The following THSD7B variants were observed in gnomAD, a reference collection of about 807,000 sequenced individuals.
The protein encoded by THSD7B is thrombospondin type-1 domain-containing protein 7B.
A neutral mutation model predicts 213.6 loss-of-function variants in THSD7B; 138 were observed. The ratio of observed to expected loss-of-function variants is 0.65; its 90% CI spans 0.56 to 0.74. The LOEUF (loss-of-function observed/expected upper bound fraction) is 0.74, where lower values mean the gene tolerates loss of function less well. Among genes scored for constraint, THSD7B ranks in the 30% least tolerant of loss-of-function variants. The pLI is 0.00. For synonymous variants in THSD7B, 742 were observed against 687.0 expected (o/e 1.08, Z -1.25); for missense variants, 1,931 against 1,991.5 (o/e 0.97, Z 0.58).
chr2:137,042,324 G>A (rs1686898603), intron 2 of THSD7B, among the ~76,000 whole-genome samples: 1 of 152,080 alleles, frequency 6.6e-6, no homozygotes, highest in African/African-American at 2.4e-5. Context: ...AATCATTGAG[G>A]TTAAGAAAAA....
At chr2:137,548,240 T>G (rs1338038350) in intron 15 of THSD7B, among the ~76,000 whole-genome samples, 4 of 152,028 alleles carry the variant, frequency 2.6e-5, no homozygotes, top group South Asian at 4.1e-4. Flanking sequence ...ACAGGAAACT[T>G]GAATGTGTTC....
At chr2:137,214,675 G>A (rs6716945) in intron 7 of THSD7B, among the ~76,000 whole-genome samples, 90,360 of 151,206 alleles carry the variant, frequency 0.6, 27,378 homozygotes, top group South Asian at 0.71. Context: ...GAGTGAGAAC[G>A]TGTGGTGTTT....
At chr2:137,439,346 G>T (rs1295222330) in intron 14 of THSD7B, among the ~76,000 whole-genome samples, 1 of 151,974 alleles carries the variant, frequency 6.6e-6, no homozygotes, top group African/African-American at 2.4e-5. Context: ...ATTACCCACA[G>T]TCTCTTGAGA....
At chr2:137,371,787 T>C (rs1428861142) in intron 12 of THSD7B, among the ~76,000 whole-genome samples, 1 of 152,182 alleles carries the variant, frequency 6.6e-6, no homozygotes, top group Admixed American at 6.5e-5. Flanking sequence ...TTTGCTTTGA[T>C]TTCTGAAAGA....
intron 10 of THSD7B, among the ~76,000 whole-genome samples, chr2:137,264,391 T>G (rs1405966808): frequency 6.6e-6 from 1 of 152,070 alleles, no homozygotes; most frequent in Non-Finnish European, 1.5e-5. Context: ...TAGCTGGGAC[T>G]ACAGGCACCC....
At chr2:136,989,767 C>A (rs766687) in intron 2 of THSD7B, among the ~76,000 whole-genome samples, 12,455 of 152,148 alleles carry the variant, frequency 0.082, 643 homozygotes, top group East Asian at 0.21. Context: ...GTGCAGTGGG[C>A]AGCCAGCTGG....
chr2:137,496,166 A>C (rs1439102259), intron 15 of THSD7B, among the ~76,000 whole-genome samples: 1 of 152,266 alleles, frequency 6.6e-6, no homozygotes, highest in South Asian at 2.1e-4. Context: ...AGAAAGTTAC[A>C]TTTTTAAAGC....
At chr2:137,641,530 T>C (rs1682936971) in intron 20 of THSD7B, among the ~76,000 whole-genome samples, 1 of 152,168 alleles carries the variant, frequency 6.6e-6, no homozygotes, top group Admixed American at 6.5e-5. Context: ...AAATAACTAA[T>C]AGTAATTAAA....
At chr2:136,860,993 T>C (rs1683249971) in intron 1 of THSD7B, among the ~76,000 whole-genome samples, 2 of 152,274 alleles carry the variant, frequency 1.3e-5, no homozygotes, top group African/African-American at 4.8e-5. Flanking sequence ...CGCAGATAGC[T>C]GCGTAGCTCA....
At chr2:137,499,792 GA>G (rs1679658167) in intron 15 of THSD7B, among the ~76,000 whole-genome samples, 1 of 152,142 alleles carries the variant, frequency 6.6e-6, no homozygotes, top group African/African-American at 2.4e-5. Context: ...GGCTGTAGCT[GA>G]AAGCCAAATG....
rs955300652 is a variant in THSD7B at position 136,980,427 on chromosome 2, C to T, written c.140-75993C>T. Among the ~76,000 whole-genome samples the T allele has an allele frequency of 2.2e-4, 33 of 152,248 alleles. 1 individual carries two copies. The highest frequency in any genetic ancestry group is 5.9e-5 in the Non-Finnish European group (4 of 68,010). On this transcript the variant is annotated intron_variant, in intron 2 of 27. Coordinates refer to ENST00000409968, the MANE Select transcript of THSD7B (RefSeq NM_001316349.2). ...TTCTCAGGGAGATAAGAGTTCTGTCCATAAAGCCCTGGCTGGAGTTGCTGA... is the reference window on the plus strand; with the variant it reads ...TTCTCAGGGAGATAAGAGTTCTGTCTATAAAGCCCTGGCTGGAGTTGCTGA...
At chr2:136,932,629 A>G (rs1419968909) in intron 2 of THSD7B, among the ~76,000 whole-genome samples, 2 of 152,206 alleles carry the variant, frequency 1.3e-5, no homozygotes, top group African/African-American at 2.4e-5. Flanking sequence ...AAGAGAAAAT[A>G]TATTTATTAT....
rs189591034 is a variant in THSD7B at position 137,221,690 on chromosome 2, T to G, written c.1724-9354T>G. 3.3e-5 allele frequency among the ~76,000 whole-genome samples: 5 copies of G among 152,336 alleles called. No homozygotes were observed. In the East Asian group the frequency reaches 9.7e-4, roughly 29 times the overall value. ...AGAGAAATTGAAAACATCTTAATTG[T>G]GCAATTATAGTGAGGTAGTTAAATA... On this transcript the variant is annotated intron_variant, in intron 7 of 27. Coordinates refer to ENST00000409968, the MANE Select transcript of THSD7B (RefSeq NM_001316349.2).
chr2:137,422,531 G>A (rs1361707791), intron 14 of THSD7B, among the ~76,000 whole-genome samples: 1 of 152,074 alleles, frequency 6.6e-6, no homozygotes, highest in Admixed American at 6.5e-5. Context: ...AGATCCATTG[G>A]GAATAGCGGT....
chr2:137,258,043 C>T (rs1682347753), intron 10 of THSD7B, among the ~76,000 whole-genome samples: 1 of 152,112 alleles, frequency 6.6e-6, no homozygotes, highest in African/African-American at 2.4e-5. Flanking sequence ...AAATGACTGA[C>T]ATGGTTGAAT....
chr2:137,291,430 C>T (rs1012630407), intron 12 of THSD7B, among the ~76,000 whole-genome samples: 44 of 152,106 alleles, frequency 2.9e-4, no homozygotes, highest in African/African-American at 7.2e-5. Context: ...ATATATTACA[C>T]ATATAAAAGT....
chr2:136,871,189 T>A (rs1683426042), intron 1 of THSD7B, among the ~76,000 whole-genome samples: 1 of 152,162 alleles, frequency 6.6e-6, no homozygotes, highest in Admixed American at 6.5e-5. Flanking sequence ...ATGTTACATG[T>A]GTGTGCCCAT....
chr2:137,348,664 G>A (rs1249840136), intron 12 of THSD7B, among the ~76,000 whole-genome samples: 1 of 149,782 alleles, frequency 6.7e-6, no homozygotes, highest in Non-Finnish European at 1.5e-5. Context: ...TATTTCATGG[G>A]CTGTGTAGAA....
chr2:137,611,479 C>A (rs1051864469), intron 17 of THSD7B, among the ~76,000 whole-genome samples: 1 of 151,968 alleles, frequency 6.6e-6, no homozygotes, highest in Non-Finnish European at 1.5e-5. Context: ...CCTCTCTTTG[C>A]CATCAGTAAA....
Sources: gnomAD v4.1 joint callset for allele counts (sites outside exome capture counted in the v4.1 genomes callset) on GRCh38, gnomAD v4.1.1 for gene constraint, MANE v1.5 for transcripts, NCBI Gene and HGNC (gene_info 2026-07-23, HGNC 2026-07-21) for gene names.